Variants in AOAH observed in about 807,000 individuals in gnomAD.
AOAH encodes acyloxyacyl hydrolase (neutrophil).
In AOAH, 64 loss-of-function variants were observed where a neutral mutation model predicts 92.2. The observed-to-expected ratio is 0.69, with a 90% CI of 0.57 to 0.86. The LOEUF is 0.86. AOAH is among the 40% of genes least tolerant of loss of function. The pLI, the probability that AOAH is intolerant of heterozygous loss-of-function variation, is 0.00. For synonymous variants in AOAH, 263 were observed against 254.5 expected (o/e 1.03, Z -0.32); for missense variants, 656 against 694.6 (o/e 0.94, Z 0.62).
rs191331631 is a variant in AOAH at position 36,706,835 on chromosome 7, T to C, written c.127+17187A>G. Among the ~76,000 whole-genome samples the C allele has an allele frequency of 5.5e-3, 843 of 152,294 alleles. 2 individuals are homozygous for C. The highest frequency in any genetic ancestry group is 8.6e-3 in the Admixed American group (132 of 15,284). On this transcript the variant is annotated intron_variant, in intron 1 of 20. Coordinates refer to ENST00000617537, the MANE Select transcript of AOAH (RefSeq NM_001637.4). ...ACCTCTGATAGTTTTATACTTTTTT[T>C]CCAGCTTCCTCACCTCTCCTAGCCT...
chr7:36,583,439 T>C (rs2727795), intron 12 of AOAH, among the ~76,000 whole-genome samples: 50,996 of 151,972 alleles, frequency 0.34, 9,373 homozygotes, highest in Non-Finnish European at 0.42. Flanking sequence ...CTTTCAGTCC[T>C]TTGATATTAG....
intron 13 of AOAH, among the ~76,000 whole-genome samples, chr7:36,570,698 G>A (rs1013386596): frequency 2.6e-5 from 4 of 152,216 alleles, no homozygotes; most frequent in Non-Finnish European, 5.9e-5. Flanking sequence ...TAACTGGTGT[G>A]AGGTGATATC....
intron 18 of AOAH, among the ~76,000 whole-genome samples, chr7:36,531,409 C>T (rs12701507): frequency 0.43 from 65,423 of 151,998 alleles, 17,083 homozygotes; most frequent in Middle Eastern, 0.63. Flanking sequence ...TGCAATGGCG[C>T]GATCTTGGCT....
chr7:36,622,088 GTGTGAA>G (rs1427115720), intron 7 of AOAH, among the ~76,000 whole-genome samples: 3 of 152,086 alleles, frequency 2.0e-5, no homozygotes, highest in African/African-American at 7.2e-5. Flanking sequence ...GGGGTGCATT[GTGTGAA>G]TGTGAATGTG....
At chr7:36,703,685 G>A (rs1400746804) in intron 1 of AOAH, among the ~76,000 whole-genome samples, 1 of 151,992 alleles carries the variant, frequency 6.6e-6, no homozygotes, top group East Asian at 1.9e-4. Context: ...GAGAATGAGG[G>A]TTTCCAGCTT....
chr7:36,584,727 A>G (rs573975356), intron 12 of AOAH, among the ~76,000 whole-genome samples: 68 of 152,316 alleles, frequency 4.5e-4, no homozygotes, highest in African/African-American at 1.5e-3. Context: ...ATATTTTTAC[A>G]TATCACATCA....
intron 3 of AOAH, 63 bp from the exon 4 acceptor site, chr7:36,659,328 T>C: frequency 7.4e-7 from 1 of 1,350,692 alleles, no homozygotes. Context: ...AAACAGAAGC[T>C]ACTGCAAAGA....
intron 19 of AOAH, among the ~76,000 whole-genome samples, chr7:36,528,763 T>TA (rs1186850744): frequency 6.6e-6 from 1 of 152,008 alleles, no homozygotes; most frequent in Non-Finnish European, 1.5e-5. Context: ...GCCTGGCTAA[T>TA]AAAAAAAGAT....
intron 1 of AOAH, among the ~76,000 whole-genome samples, chr7:36,687,939 T>C (rs1454443729): frequency 6.6e-6 from 1 of 152,228 alleles, no homozygotes; most frequent in Admixed American, 6.5e-5. Context: ...ACGAGAGTCT[T>C]CTACTTTCTA....
intron 18 of AOAH, among the ~76,000 whole-genome samples, chr7:36,531,391 G>C (rs1324615554): frequency 6.6e-6 from 1 of 152,154 alleles, no homozygotes; most frequent in Non-Finnish European, 1.5e-5. Context: ...CTGTTGCCCA[G>C]GCTGGAATGC....
intron 6 of AOAH, 67 bp from the exon 7 acceptor site, chr7:36,623,317 T>G: frequency 7.1e-7 from 1 of 1,398,776 alleles, no homozygotes; most frequent in Non-Finnish European, 1.0e-6. Flanking sequence ...TGAAAACAAA[T>G]AGAGAGACAT....
rs557039398 is a variant in AOAH, at chr7:36,610,365, C to T, written c.846+6015G>A. Among the ~76,000 whole-genome samples the T allele has an allele frequency of 5.9e-5, 9 of 151,684 alleles. 1 individual carries two copies. Among genetic ancestry groups the T allele is most frequent in the Admixed American group, 4.6e-4 (7 of 15,226 alleles). ...ACTTGCTCTTCTTGTAACAGCATGA[C>T]GTGTGTATATATAATATACATATAT... On this transcript the variant is annotated intron_variant, in intron 11 of 20. Coordinates refer to ENST00000617537, the MANE Select transcript of AOAH (RefSeq NM_001637.4).
intron 1 of AOAH, among the ~76,000 whole-genome samples, chr7:36,689,819 T>C (rs1307698064): frequency 6.6e-6 from 1 of 152,194 alleles, no homozygotes; most frequent in Non-Finnish European, 1.5e-5. Context: ...TTGCAATCAA[T>C]GGCATAATAG....
intron 13 of AOAH, 113 bp from the exon 14 acceptor site, chr7:36,549,588 G>A: frequency 2.8e-6 from 2 of 717,482 alleles, no homozygotes; most frequent in Non-Finnish European, 4.8e-6. Flanking sequence ...TTCGGGCAAA[G>A]GTTGTTCTGA....
chr7:36,703,237 A>G (rs1798140156), intron 1 of AOAH, among the ~76,000 whole-genome samples: 1 of 152,096 alleles, frequency 6.6e-6, no homozygotes, highest in African/African-American at 2.4e-5. Context: ...ACGTTTGCCA[A>G]ACTCCTCTTA....
At chr7:36,644,493 A>C (rs140658422) in intron 4 of AOAH, among the ~76,000 whole-genome samples, 25 of 152,338 alleles carry the variant, frequency 1.6e-4, no homozygotes, top group Non-Finnish European at 3.4e-4. Context: ...TTTCAGCCTA[A>C]GTCCATTCAG....
intron 6 of AOAH, among the ~76,000 whole-genome samples, chr7:36,625,701 G>T (rs1176239716): frequency 3.3e-5 from 5 of 152,188 alleles, no homozygotes; most frequent in African/African-American, 1.2e-4. Context: ...AACAGTTCAG[G>T]TGTGGGCTGT....
At chr7:36,527,959 C>T (rs1013464590) in intron 19 of AOAH, among the ~76,000 whole-genome samples, 8 of 152,228 alleles carry the variant, frequency 5.3e-5, no homozygotes, top group African/African-American at 1.9e-4. Flanking sequence ...TGACTCTGAG[C>T]TTAAGTCAGG....
Position 36,724,299 on chromosome 7 carries a change from T to G in AOAH, c.-151A>C. ...CACCCCACCCTCTCACATACACACT[T>G]TTCAATAAGTGTGAAGTGAATAAAA... On this transcript the variant is annotated 5_prime_UTR_variant, in exon 1 of 21. Transcript: ENST00000617537. 1 of 799,320 alleles carries G rather than the reference T, an allele frequency of 1.3e-6. No homozygotes were observed. The highest frequency in any genetic ancestry group is 2.0e-6 in the Non-Finnish European group (1 of 511,896). 49.5% of individuals were successfully genotyped at this position (799,320 alleles called of 1,614,324 possible).
Sources: allele counts gnomAD v4.1 joint callset (sites outside exome capture counted in the v4.1 genomes callset), GRCh38; gene constraint gnomAD v4.1.1; transcripts MANE v1.5; gene names NCBI Gene and HGNC (gene_info 2026-07-23, HGNC 2026-07-21).